TPH2: variants seen among roughly 807,000 people sequenced by gnomAD.
The protein encoded by TPH2 is tryptophan 5-hydroxylase 2.
A neutral mutation model predicts 59.1 loss-of-function variants in TPH2; 27 were observed. The ratio of observed to expected loss-of-function variants is 0.46; its 90% CI spans 0.34 to 0.63. TPH2 has a LOEUF of 0.63. Among genes scored for constraint, TPH2 ranks in the 30% least tolerant of loss-of-function variants. The pLI is 0.01. For missense variants in TPH2, 523 were observed against 588.3 expected, an observed-to-expected ratio of 0.89 and a Z score of 1.15; for synonymous variants, 220 against 210.5, an observed-to-expected ratio of 1.05 and a Z score of -0.39.
At chr12:71,957,438 G>T (rs1296970454) in intron 5 of TPH2, among the ~76,000 whole-genome samples, 3 of 146,552 alleles carry the variant, frequency 2.0e-5, no homozygotes, top group South Asian at 2.2e-4. Context: ...CCAGGCTCAA[G>T]TGATCCTCCC....
intron 5 of TPH2, among the ~76,000 whole-genome samples, chr12:71,957,692 G>A (rs1190742186): frequency 6.6e-6 from 1 of 152,174 alleles, no homozygotes; most frequent in East Asian, 1.9e-4. Context: ...TAATGGGCTG[G>A]GTTAAAGGAA....
intron 8 of TPH2, among the ~76,000 whole-genome samples, chr12:72,006,179 A>G (rs1205546293): frequency 6.6e-6 from 1 of 152,138 alleles, no homozygotes; most frequent in Non-Finnish European, 1.5e-5. Flanking sequence ...ACCTGGGTTT[A>G]TACCCAGGCT....
intron 8 of TPH2, among the ~76,000 whole-genome samples, chr12:71,994,774 G>A (rs916593448): frequency 6.6e-6 from 1 of 152,060 alleles, no homozygotes; most frequent in African/African-American, 2.4e-5. Flanking sequence ...TCTTGTTCGG[G>A]GGTCAGCTAG....
At chr12:72,006,627 G>A (rs1475333248) in intron 8 of TPH2, among the ~76,000 whole-genome samples, 1 of 152,032 alleles carries the variant, frequency 6.6e-6, no homozygotes, top group African/African-American at 2.4e-5. Flanking sequence ...AGGAATTCTG[G>A]CTAAATTAAA....
intron 5 of TPH2, among the ~76,000 whole-genome samples, chr12:71,950,595 C>A (rs761641586): frequency 2.6e-5 from 4 of 152,118 alleles, no homozygotes; most frequent in Non-Finnish European, 4.4e-5. Context: ...GCTAGTATAA[C>A]TCATAGATCA....
chr12:71,956,505 CTCCCTCCT>C (rs1233719956), intron 5 of TPH2, among the ~76,000 whole-genome samples: 1 of 6,014 alleles, frequency 1.7e-4, no homozygotes. Flanking sequence ...CTTTCCCTCC[CTCCCTCCT>C]TCCCTCCTTC....
intron 8 of TPH2, among the ~76,000 whole-genome samples, chr12:71,999,928 A>G (rs1327682991): frequency 1.3e-5 from 2 of 152,206 alleles, no homozygotes; most frequent in African/African-American, 4.8e-5. Context: ...AGTTTTCTGG[A>G]CAGCACAATA....
intron 8 of TPH2, among the ~76,000 whole-genome samples, chr12:72,005,708 T>G (rs951274788): frequency 6.6e-6 from 1 of 152,194 alleles, no homozygotes; most frequent in African/African-American, 2.4e-5. Flanking sequence ...TCAACTAAGT[T>G]CCGAAGTGTT....
intron 5 of TPH2, among the ~76,000 whole-genome samples, chr12:71,968,786 G>GT (rs1404257423): frequency 1.3e-5 from 2 of 152,154 alleles, no homozygotes; most frequent in Non-Finnish European, 2.9e-5. Flanking sequence ...GGTACAGGTG[G>GT]TACAGGAGGA....
At chr12:71,976,208 G>A (rs1017378916) in intron 6 of TPH2, among the ~76,000 whole-genome samples, 3 of 152,190 alleles carry the variant, frequency 2.0e-5, no homozygotes, top group Non-Finnish European at 2.9e-5. Context: ...GTTGAGAGGA[G>A]AAATTAATTG....
In TPH2 at chr12:71,963,078, C is replaced by T. The variant is rs1361406192; in HGVS notation, c.609-9441C>T. Among the ~76,000 whole-genome samples the T allele has an allele frequency of 7.5e-5, 4 of 53,116 alleles. 1 individual carries two copies. The highest frequency in any genetic ancestry group is 2.1e-4 in the African/African-American group (4 of 18,870). 34.8% of individuals were successfully genotyped at this position (53,116 alleles called of 152,430 possible). A position where few individuals can be genotyped will look rare whatever the true frequency, so the allele number is the denominator to read the frequency against. The stretch of plus-strand genomic sequence containing the variant: ...AGCAGGGATACAAAAATGAACACAG[C>T]AACAAAAATCTCTGCCTTCAAAAAC... On this transcript the variant is annotated intron_variant, in intron 5 of 10. Transcript: ENST00000333850.
At position 72,022,498 on chromosome 12, in the gene TPH2, T is replaced by C. The variant is rs1873446705; in HGVS notation, c.1164+4T>C. On this transcript the variant is annotated splice_donor_region_variant and intron_variant, in intron 9 of 10. Coordinates refer to ENST00000333850, the MANE Select transcript of TPH2 (RefSeq NM_173353.4). ...TTCCTCCATTGGAGAATTAAAGGTA[T>C]GAAGCTGTGAATGAAAATACCCTTC... is the stretch of plus-strand genomic sequence containing the variant. 1 of 1,603,242 alleles carries C rather than the reference T, an allele frequency of 6.2e-7. No homozygotes were observed.
intron 8 of TPH2, among the ~76,000 whole-genome samples, chr12:72,006,072 C>T (rs575530768): frequency 6.6e-6 from 1 of 152,154 alleles, no homozygotes; most frequent in Admixed American, 6.5e-5. Context: ...CTATATATGA[C>T]ACTATGCGGT....
chr12:71,997,355 T>C (rs1018185117), intron 8 of TPH2, among the ~76,000 whole-genome samples: 2 of 152,184 alleles, frequency 1.3e-5, no homozygotes, highest in Non-Finnish European at 2.9e-5. Context: ...TCTGCAAAGG[T>C]AACATATTCA....
chr12:71,950,080 A>G (rs947130071), intron 5 of TPH2, among the ~76,000 whole-genome samples: 2 of 152,162 alleles, frequency 1.3e-5, no homozygotes, highest in African/African-American at 4.8e-5. Flanking sequence ...TAGAGAAGAC[A>G]TGTGTTTGTT....
intron 8 of TPH2, among the ~76,000 whole-genome samples, chr12:71,995,934 G>A (rs774520965): frequency 6.6e-6 from 1 of 152,184 alleles, no homozygotes; most frequent in Non-Finnish European, 1.5e-5. Context: ...TCTGGTATAA[G>A]GATTGTGTCT....
intron 7 of TPH2, among the ~76,000 whole-genome samples, chr12:71,992,768 A>G (rs1379227172): frequency 1.3e-5 from 2 of 152,214 alleles, no homozygotes; most frequent in African/African-American, 4.8e-5. Flanking sequence ...TCAGTTACCA[A>G]TGTGACATGA....
At chr12:72,028,515 G>C (rs934871600) in intron 9 of TPH2, among the ~76,000 whole-genome samples, 5 of 152,070 alleles carry the variant, frequency 3.3e-5, no homozygotes, top group Non-Finnish European at 5.9e-5. Flanking sequence ...AGACTTCATG[G>C]GCTGCATGGA....
chr12:71,946,166 AC>A (rs1871192191), intron 4 of TPH2, among the ~76,000 whole-genome samples: 1 of 152,144 alleles, frequency 6.6e-6, no homozygotes, highest in African/African-American at 2.4e-5. Context: ...ATTGTTACTG[AC>A]CTCAAAGGGG....
Sources: gnomAD v4.1 joint callset for allele counts (sites outside exome capture counted in the v4.1 genomes callset) on GRCh38, gnomAD v4.1.1 for gene constraint, MANE v1.5 for transcripts, NCBI Gene and HGNC (gene_info 2026-07-23, HGNC 2026-07-21) for gene names.